THSD7A: variants seen among roughly 807,000 people sequenced by gnomAD.
The protein encoded by THSD7A is thrombospondin type-1 domain-containing protein 7A.
A neutral mutation model predicts 231.3 loss-of-function variants in THSD7A; 96 were observed. The ratio of observed to expected loss-of-function variants is 0.41; its 90% CI spans 0.35 to 0.49. The LOEUF is 0.49. THSD7A is among the 20% of genes least tolerant of loss of function. THSD7A has a pLI of 0.05. For synonymous variants in THSD7A, 940 were observed against 743.3 expected (o/e 1.26, Z -4.30); for missense variants, 2,290 against 2,070.2 (o/e 1.11, Z -2.06).
At chr7:11,819,851 A>G (rs963725646) in intron 1 of THSD7A, among the ~76,000 whole-genome samples, 5 of 152,362 alleles carry the variant, frequency 3.3e-5, no homozygotes, top group South Asian at 2.1e-4. Flanking sequence ...TGGTTCATCA[A>G]TCGTAACAAA....
chr7:11,747,847 T>C (rs1395621877), intron 1 of THSD7A, among the ~76,000 whole-genome samples: 4 of 151,874 alleles, frequency 2.6e-5, no homozygotes, highest in Admixed American at 1.3e-4. Context: ...AATGGACAAG[T>C]AGAGATTCTT....
At chr7:11,616,191 T>G (rs549671519) in intron 2 of THSD7A, among the ~76,000 whole-genome samples, 21 of 152,310 alleles carry the variant, frequency 1.4e-4, no homozygotes, top group African/African-American at 5.0e-4. Flanking sequence ...AGGCAAATTT[T>G]CAACATTATT....
chr7:11,448,245 T>C (rs1160868340), intron 11 of THSD7A, among the ~76,000 whole-genome samples: 1 of 152,152 alleles, frequency 6.6e-6, no homozygotes, highest in African/African-American at 2.4e-5. Context: ...AAATGAGAAA[T>C]AATATTTTTA....
chr7:11,647,022 TGTCAG>T (rs1782309556), intron 1 of THSD7A, among the ~76,000 whole-genome samples: 1 of 152,062 alleles, frequency 6.6e-6, no homozygotes, highest in South Asian at 2.1e-4. Flanking sequence ...GTCTCAGAAA[TGTCAG>T]TCCAGAGAAT....
intron 4 of THSD7A, among the ~76,000 whole-genome samples, chr7:11,577,384 T>G (rs1584013392): frequency 6.6e-6 from 1 of 152,298 alleles, no homozygotes. Context: ...TGGTGTGATC[T>G]TGGCTCATTG....
At position 11,590,599 on chromosome 7, in the gene THSD7A, G is replaced by T. The variant is rs780559832; in HGVS notation, c.1314C>A (p.Asp438Glu). ...RTTEWTECRVDPLLSQQDKRR... is the reference protein window; with the variant it reads ...RTTEWTECRVEPLLSQQDKRR... ...TCTTGTCCTGCTGACTGAGCAAAGG[G>T]TCCACACGGCACTCAGTCCACTCTG... Residue 438 changes from aspartate (D) to glutamate (E), a missense_variant, in exon 4 of 28, where the codon GAC becomes GAA. Coordinates refer to ENST00000423059, the MANE Select transcript of THSD7A (RefSeq NM_015204.3). This position sits in a 1 kb window ranked among gnomAD's most constrained non-coding sequence, Gnocchi z 4.4. The T allele has an allele frequency of 2.5e-6, 4 of 1,613,374 alleles. No individual in the cohort carries two copies. In the East Asian group the frequency reaches 8.9e-5, roughly 36 times the overall value.
chr7:11,616,742 CTCTTTTG>C (rs1781118115), intron 2 of THSD7A, among the ~76,000 whole-genome samples: 1 of 152,044 alleles, frequency 6.6e-6, no homozygotes, highest in East Asian at 1.9e-4. Flanking sequence ...AGAAGTCTAG[CTCTTTTG>C]TTGCTTTAAT....
intron 1 of THSD7A, among the ~76,000 whole-genome samples, chr7:11,812,107 G>C (rs1462085237): frequency 1.5e-4 from 3 of 19,874 alleles, no homozygotes; most frequent in Non-Finnish European, 2.8e-4. Flanking sequence ...AAAGAAAATT[G>C]TGTGTGTGTG....
At chr7:11,749,397 T>G (rs909097094) in intron 1 of THSD7A, among the ~76,000 whole-genome samples, 1 of 152,002 alleles carries the variant, frequency 6.6e-6, no homozygotes, top group African/African-American at 2.4e-5. Flanking sequence ...CAAGGTAAGC[T>G]TCTATCATTC....
Position 11,379,306 on chromosome 7 carries a change from C to A in THSD7A, c.4591-26G>T, listed in dbSNP as rs768922511. The A allele has an allele frequency of 3.1e-6, 5 of 1,606,988 alleles. No homozygotes were observed. The South Asian group carries it at 4.4e-5, about 14-fold the overall frequency. On this transcript the variant is annotated intron_variant, in intron 25 of 27. Coordinates refer to ENST00000423059, the MANE Select transcript of THSD7A (RefSeq NM_015204.3). The stretch of plus-strand genomic sequence containing the variant: ...CTGCAGGAGAACAAGAAGATTTATA[C>A]TAGCCATGCAAGGAATCTTTGGAAG...
chr7:11,735,658 A>G (rs1216610395), intron 1 of THSD7A, among the ~76,000 whole-genome samples: 2 of 151,992 alleles, frequency 1.3e-5, no homozygotes, highest in Non-Finnish European at 2.9e-5. Context: ...CCTCTCAAGC[A>G]CAAGTTTTAT....
chr7:11,669,434 A>T (rs1284620240), intron 1 of THSD7A, among the ~76,000 whole-genome samples: 2 of 151,988 alleles, frequency 1.3e-5, no homozygotes, highest in African/African-American at 4.8e-5. Context: ...TAATTCACCA[A>T]CTGATGGGTG....
At chr7:11,576,176 C>T (rs1215410985) in intron 4 of THSD7A, among the ~76,000 whole-genome samples, 3 of 152,184 alleles carry the variant, frequency 2.0e-5, no homozygotes, top group Non-Finnish European at 4.4e-5. Flanking sequence ...CCTCTTTCTA[C>T]TAGCATTTTT....
chr7:11,758,964 G>C (rs750699289), intron 1 of THSD7A, among the ~76,000 whole-genome samples: 57 of 152,124 alleles, frequency 3.7e-4, no homozygotes, highest in Non-Finnish European at 7.2e-4. Context: ...AGTTTGCTAA[G>C]CCTGGTCAAA....
At position 11,481,868 on chromosome 7, in the gene THSD7A, C is replaced by G; in HGVS notation, c.1937G>C (p.Cys646Ser). 1 of 1,613,730 alleles carries G rather than the reference C, an allele frequency of 6.2e-7. No homozygotes were observed. Among genetic ancestry groups the G allele is most frequent in the South Asian group, 1.1e-5 (1 of 91,074 alleles). The stretch of plus-strand genomic sequence containing the variant: ...CGTTTTCCCTGAGCAGGTGTGTGAG[C>G]AGGAGGACCACGTAGACCATGTGCT... The part of the protein sequence containing the change: ...VLSTWSTWSS[C>S]SHTCSGKTTE... The change falls in exon 7 of 28, where the codon TGC becomes TCC. Residue 646 changes from cysteine to serine, a missense_variant. Coordinates refer to ENST00000423059, the MANE Select transcript of THSD7A (RefSeq NM_015204.3).
At chr7:11,759,702 C>A in intron 1 of THSD7A, among the ~76,000 whole-genome samples, 1 of 151,938 alleles carries the variant, frequency 6.6e-6, no homozygotes, top group East Asian at 1.9e-4. Context: ...ATGCCAGATA[C>A]AAGAAATTTA....
intron 1 of THSD7A, among the ~76,000 whole-genome samples, chr7:11,693,945 A>G (rs1469145476): frequency 1.3e-5 from 2 of 151,614 alleles, no homozygotes; most frequent in South Asian, 2.1e-4. Context: ...AATTTATTTC[A>G]TAAAACTCAC....
intron 6 of THSD7A, among the ~76,000 whole-genome samples, 175 bp downstream of exon 6, chr7:11,541,244 T>G (rs189970774): frequency 1.1e-4 from 17 of 152,206 alleles, no homozygotes; most frequent in Non-Finnish European, 1.9e-4. Context: ...CACCATTTCA[T>G]TAGAACAAAA....
At position 11,831,307 on chromosome 7, in the gene THSD7A, G is replaced by A. The variant is rs1408600808; in HGVS notation, c.190+450C>T. Among the ~76,000 whole-genome samples, 3 of 152,170 alleles carry A rather than the reference G, an allele frequency of 2.0e-5. No individual in the cohort carries two copies. The highest frequency in any genetic ancestry group is 7.2e-5 in the African/African-American group (3 of 41,440). On this transcript the variant is annotated intron_variant, in intron 1 of 27. Transcript: ENST00000423059. The surrounding 1 kb of genome is among the most constrained non-coding windows in gnomAD (Gnocchi z 5.0). ...CCCTCACTTGGCTTGTTTCTGAGGT[G>A]TCCCACATATCACAAAGCTAAAGTT...
Sources: allele counts gnomAD v4.1 joint callset (sites outside exome capture counted in the v4.1 genomes callset), GRCh38; gene constraint gnomAD v4.1.1; non-coding constraint Gnocchi (gnomAD v3.1); transcripts MANE v1.5; gene names NCBI Gene and HGNC (gene_info 2026-07-23, HGNC 2026-07-21).